PWWP3B: variants seen among roughly 807,000 people sequenced by gnomAD.
PWWP3B encodes PWWP domain containing 3B, also known as PWWP domain-containing DNA repair factor 3B.
Under a neutral mutation model 15.7 loss-of-function variants are expected in PWWP3B, and 5 were observed. That is an observed-to-expected ratio of 0.32 (90% CI 0.17 to 0.67). The LOEUF (loss-of-function observed/expected upper bound fraction) is 0.67. PWWP3B is among the 30% of genes least tolerant of loss of function. The probability of loss-of-function intolerance (pLI) is 0.74; values close to 1 mark genes in which losing one functional copy is unlikely to be tolerated. For missense variants in PWWP3B, 519 were observed against 493.1 expected, an observed-to-expected ratio of 1.05 and a Z score of -0.50; for synonymous variants, 203 against 179.8, an observed-to-expected ratio of 1.13 and a Z score of -1.03.
At chrX:106,188,073 G>A (rs1255321106) in intron 2 of PWWP3B, among the ~76,000 whole-genome samples, 3 of 111,349 alleles carry the variant, frequency 2.7e-5, no homozygotes, top group Non-Finnish European at 5.7e-5. Context: ...ACTTCAGTGT[G>A]GTTAGAGACT....
chrX:106,190,797 A>G (rs1922886144), intron 2 of PWWP3B, among the ~76,000 whole-genome samples: 1 of 111,930 alleles, frequency 8.9e-6, no homozygotes, highest in African/African-American at 3.3e-5. Context: ...TTTATTAAAT[A>G]GGGAATCGTT....
rs762824258 is a variant in PWWP3B at position 106,205,838 on chromosome X, A to G, written c.406A>G (p.Lys136Glu). Residue 136 changes from lysine (K) to glutamate (E), a missense_variant, in exon 4 of 4, where the codon AAG becomes GAG. By Grantham distance (56) the Lys-to-Glu change is moderately conservative (BLOSUM62 1). Coordinates refer to ENST00000357175, the MANE Select transcript of PWWP3B (RefSeq NM_001171020.2). ...SDSPPHKKYRKDEGDLPGCLE... is the reference protein window; with the variant it reads ...SDSPPHKKYREDEGDLPGCLE... Reference sequence around the variant, plus strand: ...TTCACCCCCTCATAAAAAATACCGGAAGGATGAAGGTGACTTACCAGGGTG... The same window carrying G: ...TTCACCCCCTCATAAAAAATACCGGGAGGATGAAGGTGACTTACCAGGGTG... 1 of 1,209,628 alleles carries G rather than the reference A, an allele frequency of 8.3e-7. No individual in the cohort carries two copies. Among genetic ancestry groups the G allele is most frequent in the African/African-American group, 1.8e-5 (1 of 57,134 alleles).
At chrX:106,187,269 A>C (rs748369830) in intron 2 of PWWP3B, among the ~76,000 whole-genome samples, 5 of 112,105 alleles carry the variant, frequency 4.5e-5, no homozygotes, top group Non-Finnish European at 9.4e-5. Context: ...TTATTTGTCT[A>C]TGCACTGTAA....
chrX:106,191,230 G>A (rs1488568010), intron 2 of PWWP3B, among the ~76,000 whole-genome samples: 1 of 111,009 alleles, frequency 9.0e-6, no homozygotes, highest in African/African-American at 3.3e-5. Flanking sequence ...TTGAGCAGTG[G>A]TTTGTAGTTC....
intron 2 of PWWP3B, among the ~76,000 whole-genome samples, chrX:106,171,711 A>G (rs1362220459): frequency 9.0e-6 from 1 of 110,991 alleles, no homozygotes; most frequent in African/African-American, 3.3e-5. Flanking sequence ...CACTTAGGCT[A>G]TATGGTATAG....
chrX:106,189,612 C>CTTTTTTTT (rs1277003635), intron 2 of PWWP3B, among the ~76,000 whole-genome samples: 9 of 77,850 alleles, frequency 1.2e-4, no homozygotes, highest in Admixed American at 1.4e-4. Context: ...GCCACATTTT[C>CTTTTTTTT]TTTTTTTTTT....
At chrX:106,185,928 T>C (rs967945473) in intron 2 of PWWP3B, among the ~76,000 whole-genome samples, 6 of 112,205 alleles carry the variant, frequency 5.3e-5, no homozygotes, top group Non-Finnish European at 9.4e-5. Context: ...AAATTCCAGA[T>C]AGTCCCCCAC....
At chrX:106,200,076 G>A (rs746388101) in intron 2 of PWWP3B, among the ~76,000 whole-genome samples, 37 of 111,248 alleles carry the variant, frequency 3.3e-4, no homozygotes, top group Non-Finnish European at 5.1e-4. Context: ...TCTGGTTAGT[G>A]GACTGTTAAC....
At chrX:106,187,818 T>C (rs1922611732) in intron 2 of PWWP3B, among the ~76,000 whole-genome samples, 1 of 111,768 alleles carries the variant, frequency 8.9e-6, no homozygotes, top group Non-Finnish European at 1.9e-5. Flanking sequence ...GGGAGTGTTC[T>C]AACTGGACTA....
At chrX:106,199,156 C>G (rs1363893608) in intron 2 of PWWP3B, among the ~76,000 whole-genome samples, 1 of 107,846 alleles carries the variant, frequency 9.3e-6, no homozygotes, top group Non-Finnish European at 1.9e-5. Context: ...TCATGCCATT[C>G]TCCTGCCTCA....
At chrX:106,170,451 A>G (rs945013201) in intron 1 of PWWP3B, among the ~76,000 whole-genome samples, 1 of 112,239 alleles carries the variant, frequency 8.9e-6, no homozygotes, top group African/African-American at 3.2e-5. Context: ...ACACATGCAC[A>G]GAACTCTTAA....
At chrX:106,172,920 C>T (rs1338828816) in intron 2 of PWWP3B, among the ~76,000 whole-genome samples, 2 of 111,744 alleles carry the variant, frequency 1.8e-5, no homozygotes, top group South Asian at 3.7e-4. Flanking sequence ...TGGCTGTGAC[C>T]GACATCACTA....
chrX:106,202,120 A>T (rs1923736679), intron 2 of PWWP3B, among the ~76,000 whole-genome samples: 1 of 111,905 alleles, frequency 8.9e-6, no homozygotes, highest in African/African-American at 3.3e-5. Context: ...ATAACTTAGA[A>T]GTATTTGACA....
At chrX:106,174,775 G>A (rs1290090972) in intron 2 of PWWP3B, among the ~76,000 whole-genome samples, 2 of 111,606 alleles carry the variant, frequency 1.8e-5, no homozygotes, top group Admixed American at 9.5e-5. Flanking sequence ...GGCTGGGAGC[G>A]GTGGCTCACA....
Position 106,191,170 on chromosome X carries a change from C to G in PWWP3B, c.-400-12815C>G, listed in dbSNP as rs868653657. On this transcript the variant is annotated intron_variant, in intron 2 of 3. Transcript: ENST00000357175. ...ATTTTCACGATATTGATTCTTCCTACCCATGAGCATGGAATGTTCTTCCAT... is the reference window on the plus strand; with the variant it reads ...ATTTTCACGATATTGATTCTTCCTAGCCATGAGCATGGAATGTTCTTCCAT... Among the ~76,000 whole-genome samples the G allele has an allele frequency of 3.3e-3, 362 of 110,689 alleles. 3 individuals are homozygous for G. Among genetic ancestry groups the G allele is most frequent in the African/African-American group, 0.011 (340 of 30,421 alleles).
chrX:106,184,469 A>G (rs1208422107), intron 2 of PWWP3B, among the ~76,000 whole-genome samples: 1 of 111,296 alleles, frequency 9.0e-6, no homozygotes, highest in African/African-American at 3.3e-5. Flanking sequence ...GATGTTTGCA[A>G]TTCCAGTCCC....
At position 106,205,762 on chromosome X, in the gene PWWP3B, T is replaced by C; in HGVS notation, c.330T>C (p.Asp110=). 8.3e-7 allele frequency: 1 copy of C among 1,211,396 alleles called. No individual in the cohort carries two copies. ...RTNLSQASTS[D]EEEITMLSQN... is the part of the protein sequence containing the mutation. The stretch of plus-strand genomic sequence containing the variant: ...ATTTGAGTCAAGCAAGCACTTCAGA[T>C]GAAGAGGAGATCACTATGCTGTCTC... The change falls in exon 4 of 4, where the codon GAT becomes GAC. Residue 110 remains aspartate (D), a synonymous_variant. Transcript: ENST00000357175.
At chrX:106,193,383 A>G (rs1221461633) in intron 2 of PWWP3B, among the ~76,000 whole-genome samples, 1 of 109,932 alleles carries the variant, frequency 9.1e-6, no homozygotes, top group African/African-American at 3.3e-5. Flanking sequence ...TTTGTTTTCC[A>G]TTTGCTTTGT....
At chrX:106,194,780 G>T (rs1369802002) in intron 2 of PWWP3B, among the ~76,000 whole-genome samples, 1 of 112,034 alleles carries the variant, frequency 8.9e-6, no homozygotes, top group Non-Finnish European at 1.9e-5. Context: ...TCAGCTGCAG[G>T]TCTGTTGGAG....
Sources: allele counts gnomAD v4.1 joint callset (sites outside exome capture counted in the v4.1 genomes callset), GRCh38; gene constraint gnomAD v4.1.1; transcripts MANE v1.5; gene names NCBI Gene and HGNC (gene_info 2026-07-23, HGNC 2026-07-21).